Variants in SBF2 observed in about 807,000 individuals in gnomAD.
The protein encoded by SBF2 is myotubularin-related protein 13.
Under a neutral mutation model 225.2 loss-of-function variants are expected in SBF2, and 112 were observed. The ratio of observed to expected loss-of-function variants is 0.50; its 90% CI spans 0.43 to 0.58. The LOEUF is 0.58. Ranked by LOEUF, SBF2 falls within the 20% of genes least tolerant of loss-of-function variation. The probability of loss-of-function intolerance (pLI) is 0.00; values close to 1 mark genes in which losing one functional copy is unlikely to be tolerated. For synonymous variants in SBF2, 763 were observed against 773.3 expected, an observed-to-expected ratio of 0.99 and a Z score of 0.22; for missense variants, 1,996 against 2,206.2, an observed-to-expected ratio of 0.90 and a Z score of 1.91.
intron 32 of SBF2, among the ~76,000 whole-genome samples, chr11:9,805,460 A>G (rs909495690): frequency 1.3e-5 from 2 of 152,150 alleles, no homozygotes; most frequent in African/African-American, 4.8e-5. Flanking sequence ...GGTTCCCCCC[A>G]GTTATATTCA....
intron 2 of SBF2, among the ~76,000 whole-genome samples, chr11:10,135,814 A>G (rs999015910): frequency 1.3e-5 from 2 of 152,068 alleles, no homozygotes; most frequent in African/African-American, 4.8e-5. Context: ...ACATTTTCCT[A>G]TCTTCTCCTA....
chr11:9,966,993 T>C (rs1190642017), intron 14 of SBF2, among the ~76,000 whole-genome samples: 2 of 152,148 alleles, frequency 1.3e-5, no homozygotes, highest in African/African-American at 2.4e-5. Context: ...AGCCAAAATG[T>C]AGAACCAACT....
intron 2 of SBF2, among the ~76,000 whole-genome samples, chr11:10,188,743 G>A (rs1957044099): frequency 6.6e-6 from 1 of 152,104 alleles, no homozygotes; most frequent in Non-Finnish European, 1.5e-5. Flanking sequence ...ACTTCATGAG[G>A]TTCCCTGCCC....
intron 2 of SBF2, among the ~76,000 whole-genome samples, chr11:10,130,279 T>C (rs936124477): frequency 1.6e-4 from 24 of 151,942 alleles, no homozygotes; most frequent in African/African-American, 5.8e-4. Flanking sequence ...GGAGAATCAC[T>C]TTAACGCAGG....
intron 1 of SBF2, among the ~76,000 whole-genome samples, chr11:10,288,358 A>AC (rs2135578654): frequency 6.6e-6 from 1 of 152,296 alleles, no homozygotes; most frequent in Admixed American, 6.5e-5. Flanking sequence ...CAGCTCAAAG[A>AC]CCCACAGTGG....
chr11:10,047,614 CTT>C (rs1189289307), intron 2 of SBF2, among the ~76,000 whole-genome samples: 7 of 152,100 alleles, frequency 4.6e-5, no homozygotes, highest in Admixed American at 2.6e-4. Flanking sequence ...ACATTTTCCT[CTT>C]TTGTACAGAC....
chr11:9,910,368 T>G (rs1862499089), intron 16 of SBF2, among the ~76,000 whole-genome samples: 1 of 152,218 alleles, frequency 6.6e-6, no homozygotes, highest in South Asian at 2.1e-4. Flanking sequence ...ATACAATTTG[T>G]ACAGTACATA....
rs750875896 is a variant in SBF2 at position 9,787,753 on chromosome 11, A to AAAG, written c.4933-18_4933-16dup. On this transcript the variant is annotated splice_polypyrimidine_tract_variant and intron_variant, in intron 35 of 39. Transcript: ENST00000256190. ...TTTTCAATTTCCTGCAAAGAAATTA[A>AAAG]AAGTTTTCTGATCAGTATTTCATAG... 6 of 1,608,624 alleles carry AAAG rather than the reference A, an allele frequency of 3.7e-6. No individual in the cohort carries two copies. In the African/African-American group the frequency reaches 4.0e-5, roughly 11 times the overall value.
intron 37 of SBF2, 62 bp from the exon 38 acceptor site, chr11:9,784,500 GA>G: frequency 7.9e-7 from 1 of 1,272,698 alleles, no homozygotes; most frequent in East Asian, 2.3e-5. Context: ...CTGTAAAGGG[GA>G]GGGGATATCT....
chr11:9,815,468 T>C (rs1041445739), intron 29 of SBF2, among the ~76,000 whole-genome samples: 2 of 145,308 alleles, frequency 1.4e-5, no homozygotes, highest in Admixed American at 6.9e-5. Context: ...TTAAAAAAAA[T>C]ATAATAATAA....
Position 10,277,010 on chromosome 11 carries a change from T to C in SBF2, c.55+17005A>G, listed in dbSNP as rs372343481. Among the ~76,000 whole-genome samples the C allele has an allele frequency of 5.0e-4, 76 of 152,006 alleles. 1 individual carries two copies. In the South Asian group the frequency reaches 0.014, roughly 28 times the overall value. On this transcript the variant is annotated intron_variant, in intron 1 of 39. Transcript: ENST00000256190. ...ACTTTGGGAGGCCAAGGCAGGAGGA[T>C]TCCTTGAGGCCAGGGGTTCCAGGCC...
intron 28 of SBF2, 46 bp from the exon 29 acceptor site, chr11:9,817,070 A>T (rs1250261318): frequency 6.9e-6 from 11 of 1,603,122 alleles, no homozygotes; most frequent in African/African-American, 1.3e-5. Context: ...TAATGTGGGA[A>T]TGCCACTAAC....
intron 2 of SBF2, among the ~76,000 whole-genome samples, chr11:10,189,876 G>T (rs1465585149): frequency 6.6e-6 from 1 of 152,094 alleles, no homozygotes; most frequent in African/African-American, 2.4e-5. Flanking sequence ...GGTCGGCTGG[G>T]TGTGGTGGCT....
At chr11:10,081,136 G>C (rs575179606) in intron 2 of SBF2, among the ~76,000 whole-genome samples, 2 of 152,188 alleles carry the variant, frequency 1.3e-5, no homozygotes, top group East Asian at 3.9e-4. Context: ...TATATCAACA[G>C]ATGGAACATT....
At chr11:9,984,238 TA>T (rs1221896109) in intron 13 of SBF2, among the ~76,000 whole-genome samples, 1 of 151,898 alleles carries the variant, frequency 6.6e-6, no homozygotes, top group Non-Finnish European at 1.5e-5. Flanking sequence ...GAGAAAACAA[TA>T]AAAAATTCAA....
At chr11:10,261,159 CA>C (rs1485793770) in intron 1 of SBF2, among the ~76,000 whole-genome samples, 1 of 152,082 alleles carries the variant, frequency 6.6e-6, no homozygotes, top group Non-Finnish European at 1.5e-5. Flanking sequence ...CTGACGATGC[CA>C]AATACTGATG....
intron 2 of SBF2, among the ~76,000 whole-genome samples, chr11:10,045,317 G>T (rs952514621): frequency 1.3e-5 from 2 of 151,948 alleles, no homozygotes; most frequent in Non-Finnish European, 2.9e-5. Context: ...ACAGGTGCCC[G>T]CCATCATGCC....
chr11:10,069,049 A>G (rs572873342), intron 2 of SBF2, among the ~76,000 whole-genome samples: 1 of 152,258 alleles, frequency 6.6e-6, no homozygotes, highest in African/African-American at 2.4e-5. Context: ...ATTTACCTAC[A>G]TATGTATGTG....
chr11:9,903,824 TC>T (rs1370257928), intron 16 of SBF2, among the ~76,000 whole-genome samples: 4 of 152,322 alleles, frequency 2.6e-5, no homozygotes, highest in African/African-American at 9.6e-5. Context: ...TCTGTGGCTT[TC>T]TTCCCTTTTT....
Sources: gnomAD v4.1 joint callset for allele counts (sites outside exome capture counted in the v4.1 genomes callset) on GRCh38, gnomAD v4.1.1 for gene constraint, MANE v1.5 for transcripts, NCBI Gene and HGNC (gene_info 2026-07-23, HGNC 2026-07-21) for gene names.